Variants in NCAM1 observed in about 807,000 individuals in gnomAD.
NCAM1 encodes neural cell adhesion molecule 1.
A neutral mutation model predicts 109.8 loss-of-function variants in NCAM1; 14 were observed. The ratio of observed to expected loss-of-function variants is 0.13; its 90% CI spans 0.08 to 0.20. NCAM1 has a LOEUF of 0.20. Among genes scored for constraint, NCAM1 ranks in the 10% least tolerant of loss-of-function variants. The pLI, the probability that NCAM1 is intolerant of heterozygous loss-of-function variation, is 1.00. For synonymous variants in NCAM1, 418 were observed against 442.9 expected, an observed-to-expected ratio of 0.94 and a Z score of 0.70; for missense variants, 774 against 1,109.9, an observed-to-expected ratio of 0.70 and a Z score of 4.30.
At position 112,961,514 on chromosome 11, in the gene NCAM1, C is replaced by T. The variant is rs782541618; in HGVS notation, c.-99C>T. 5 of 827,580 alleles carry T rather than the reference C, an allele frequency of 6.0e-6. No individual in the cohort carries two copies. The highest frequency in any genetic ancestry group is 1.7e-5 in the Admixed American group (1 of 58,936). 51.3% of individuals were successfully genotyped at this position (827,580 alleles called of 1,614,324 possible). A position where few individuals can be genotyped will look rare whatever the true frequency, so the allele number is the denominator to read the frequency against. ...TCATACTCAGCCTGGCAATTGTCTG[C>T]CCCTAGGTCTGTCGCTCAGCCGCCG... On this transcript the variant is annotated 5_prime_UTR_variant, in exon 1 of 20. Transcript: ENST00000316851.
intron 1 of NCAM1, among the ~76,000 whole-genome samples, chr11:113,061,343 C>G (rs1457416420): frequency 6.6e-6 from 1 of 152,126 alleles, no homozygotes; most frequent in Non-Finnish European, 1.5e-5. Flanking sequence ...ACTGGAGGTT[C>G]CTTATAACTT....
intron 15 of NCAM1, among the ~76,000 whole-genome samples, chr11:113,251,630 G>A (rs959165716): frequency 2.6e-5 from 4 of 152,118 alleles, no homozygotes; most frequent in Non-Finnish European, 5.9e-5. Flanking sequence ...ATTTTGGGGG[G>A]AACATTTGAC....
At chr11:113,151,699 G>A (rs569058205) in intron 1 of NCAM1, among the ~76,000 whole-genome samples, 8 of 152,280 alleles carry the variant, frequency 5.3e-5, no homozygotes, top group Non-Finnish European at 1.2e-4. Flanking sequence ...TTCGTGGAAA[G>A]CTTTTAATGC....
intron 9 of NCAM1, 77 bp downstream of exon 9, chr11:113,221,402 C>A: frequency 1.4e-6 from 2 of 1,427,546 alleles, no homozygotes; most frequent in Non-Finnish European, 1.9e-6. Context: ...AGTTTAATAA[C>A]CAGACATGCT....
At chr11:113,002,709 T>C (rs1276842667) in intron 1 of NCAM1, among the ~76,000 whole-genome samples, 3 of 152,162 alleles carry the variant, frequency 2.0e-5, no homozygotes, top group Non-Finnish European at 4.4e-5. Context: ...ATTATATTTT[T>C]CAAGTGGGCC....
intron 1 of NCAM1, among the ~76,000 whole-genome samples, chr11:113,148,693 C>T (rs1178890645): frequency 2.0e-5 from 3 of 152,176 alleles, no homozygotes; most frequent in African/African-American, 7.2e-5. Flanking sequence ...TTTTGTCAGG[C>T]ATCACCATAG....
intron 1 of NCAM1, among the ~76,000 whole-genome samples, chr11:113,093,124 A>G (rs1336661877): frequency 6.6e-6 from 1 of 152,216 alleles, no homozygotes; most frequent in African/African-American, 2.4e-5. Flanking sequence ...GCTCTGCTCC[A>G]GCTATATTTT....
intron 1 of NCAM1, among the ~76,000 whole-genome samples, chr11:113,075,381 C>A (rs1487632201): frequency 1.3e-5 from 2 of 152,102 alleles, no homozygotes; most frequent in Non-Finnish European, 2.9e-5. Context: ...TGATTATAAA[C>A]CCTCTGCTTC....
intron 14 of NCAM1, 21 bp downstream of exon 14, chr11:113,235,185 C>A (rs646558): frequency 0.22 from 362,840 of 1,613,474 alleles, 44,872 homozygotes; most frequent in African/African-American, 0.5. Flanking sequence ...CCAGCTGCCC[C>A]CCTTTTCCCA....
At chr11:113,251,560 A>G (rs1945678778) in intron 15 of NCAM1, among the ~76,000 whole-genome samples, 1 of 152,118 alleles carries the variant, frequency 6.6e-6, no homozygotes, top group African/African-American at 2.4e-5. Flanking sequence ...ACAATACTTT[A>G]TATTTGTTAT....
intron 4 of NCAM1, 60 bp from the exon 5 acceptor site, chr11:113,205,983 A>G: frequency 1.3e-6 from 2 of 1,598,908 alleles, no homozygotes; most frequent in Non-Finnish European, 1.7e-6. Flanking sequence ...AGACTCAGCC[A>G]CCTGCCTGCA....
chr11:113,077,088 G>T (rs1161376822), intron 1 of NCAM1, among the ~76,000 whole-genome samples: 2 of 152,280 alleles, frequency 1.3e-5, no homozygotes, highest in African/African-American at 4.8e-5. Flanking sequence ...CTTGTGCCAG[G>T]TACTAGGGAT....
At chr11:113,107,692 G>A (rs1384168855) in intron 1 of NCAM1, among the ~76,000 whole-genome samples, 7 of 152,058 alleles carry the variant, frequency 4.6e-5, no homozygotes, top group Admixed American at 6.6e-5. Flanking sequence ...TGGAGGAAAC[G>A]GCCCCCACAA....
chr11:113,205,984 C>T (rs1555112782), intron 4 of NCAM1, 59 bp from the exon 5 acceptor site: 2 of 1,600,700 alleles, frequency 1.2e-6, no homozygotes, highest in Non-Finnish European at 1.7e-6. Context: ...GACTCAGCCA[C>T]CTGCCTGCAG....
rs1038835985 is a variant in NCAM1, at chr11:113,080,600, G to A, written c.52+118936G>A. Among the ~76,000 whole-genome samples, 13 of 152,096 alleles carry A rather than the reference G, an allele frequency of 8.5e-5. 1 individual carries two copies. The highest frequency in any genetic ancestry group is 4.6e-4 in the Admixed American group (7 of 15,272). Reference sequence around the variant, plus strand: ...CTAATTGGTGATCAAGGAGTATTAAGTTAATTATTTGAATGGAGACTATAA... The same window carrying A: ...CTAATTGGTGATCAAGGAGTATTAAATTAATTATTTGAATGGAGACTATAA... On this transcript the variant is annotated intron_variant, in intron 1 of 19. Coordinates refer to ENST00000316851, the MANE Select transcript of NCAM1 (RefSeq NM_181351.5).
intron 15 of NCAM1, among the ~76,000 whole-genome samples, chr11:113,254,222 G>T (rs1347621851): frequency 6.6e-6 from 1 of 152,224 alleles, no homozygotes; most frequent in Non-Finnish European, 1.5e-5. Context: ...CCACTGAATA[G>T]TTGTGGCCTG....
chr11:113,202,329 TG>T (rs201978903), intron 1 of NCAM1, 49 bp from the exon 2 acceptor site: 12 of 1,500,506 alleles, frequency 8.0e-6, no homozygotes, highest in East Asian at 4.8e-5. Context: ...CTGAACTTTG[TG>T]GGTTTTTTTT....
intron 14 of NCAM1, chr11:113,240,492 A>C: frequency 2.2e-6 from 1 of 446,494 alleles, no homozygotes. Flanking sequence ...GGTCCTGCTG[A>C]ACTGGATATT....
At chr11:113,262,905 ACT>A in intron 17 of NCAM1, 2 of 1,613,664 alleles carry the variant, frequency 1.2e-6, no homozygotes, top group Non-Finnish European at 1.7e-6. Flanking sequence ...CTCTGCAGTG[ACT>A]CTTCTTTTGC....
Sources: gnomAD v4.1 joint callset for allele counts (sites outside exome capture counted in the v4.1 genomes callset) on GRCh38, gnomAD v4.1.1 for gene constraint, MANE v1.5 for transcripts, NCBI Gene and HGNC (gene_info 2026-07-23, HGNC 2026-07-21) for gene names.